The following STOX2 variants were observed in gnomAD, a reference collection of about 807,000 sequenced individuals.
STOX2 encodes storkhead-box protein 2.
Under a neutral mutation model 60.9 loss-of-function variants are expected in STOX2, and 28 were observed. The observed-to-expected ratio is 0.46, with a 90% CI of 0.34 to 0.63. The LOEUF is 0.63. Ranked by LOEUF, STOX2 falls within the 30% of genes least tolerant of loss-of-function variation. The pLI is 0.01. For synonymous variants in STOX2, 472 were observed against 463.9 expected, an observed-to-expected ratio of 1.02 and a Z score of -0.22; for missense variants, 1,024 against 1,187.7, an observed-to-expected ratio of 0.86 and a Z score of 2.03.
chr4:184,011,576 T>G lies in STOX2; in HGVS notation c.2585+153T>G. 6.5e-7 allele frequency: 1 copy of G among 1,541,194 alleles called. No individual in the cohort carries two copies. The highest frequency in any genetic ancestry group is 8.7e-7 in the Non-Finnish European group (1 of 1,147,218). ...GTATTGTTAACAATCTGTTTCTGAC[T>G]TCTTTTTCAGGAATTGAAAAAAATG... On this transcript the variant is annotated intron_variant, in intron 3 of 3. Transcript: ENST00000308497. This position sits in a 1 kb window ranked among gnomAD's most constrained non-coding sequence, Gnocchi z 4.4.
chr4:183,967,366 CAA>C (rs1743606947), intron 1 of STOX2, among the ~76,000 whole-genome samples: 1 of 117,250 alleles, frequency 8.5e-6, no homozygotes, highest in African/African-American at 3.5e-5. Flanking sequence ...AACTCCGTCT[CAA>C]GAGAAAAAAA....
intron 1 of STOX2, among the ~76,000 whole-genome samples, chr4:183,880,413 C>A (rs1740933250): frequency 1.3e-5 from 2 of 152,162 alleles, no homozygotes; most frequent in Non-Finnish European, 1.5e-5. Flanking sequence ...AATCAACCAA[C>A]CAACCAACTG....
intron 1 of STOX2, among the ~76,000 whole-genome samples, chr4:183,891,276 G>A (rs1336742681): frequency 7.0e-6 from 1 of 141,934 alleles, no homozygotes; most frequent in African/African-American, 2.6e-5. Flanking sequence ...GTGTGTGTGT[G>A]TATGTGTGTA....
At chr4:183,899,067 GT>G (rs1031143338) in intron 1 of STOX2, among the ~76,000 whole-genome samples, 3 of 152,104 alleles carry the variant, frequency 2.0e-5, no homozygotes, top group Non-Finnish European at 4.4e-5. Context: ...TGTTATATGT[GT>G]TATGGTCATC....
intron 1 of STOX2, among the ~76,000 whole-genome samples, chr4:183,838,849 C>T (rs1264962719): frequency 6.6e-6 from 1 of 152,212 alleles, no homozygotes; most frequent in African/African-American, 2.4e-5. Flanking sequence ...TGGTTACACA[C>T]TCATCACCAG....
intron 1 of STOX2, among the ~76,000 whole-genome samples, chr4:183,884,409 G>A (rs1052945029): frequency 2.6e-5 from 4 of 152,098 alleles, no homozygotes; most frequent in Non-Finnish European, 5.9e-5. Context: ...AGGCTGAGGC[G>A]GATGGATCGC....
intron 1 of STOX2, among the ~76,000 whole-genome samples, chr4:183,993,552 A>T (rs1036761418): frequency 6.6e-6 from 1 of 152,216 alleles, no homozygotes; most frequent in Non-Finnish European, 1.5e-5. Context: ...ATAGCTTAGG[A>T]ATTGGACCTG....
intron 1 of STOX2, among the ~76,000 whole-genome samples, chr4:183,933,002 C>T (rs557011233): frequency 6.6e-6 from 1 of 152,266 alleles, no homozygotes; most frequent in African/African-American, 2.4e-5. Flanking sequence ...AGAATCCATA[C>T]GGAGTTGTCG....
rs543876303 is a variant in STOX2 at position 183,836,016 on chromosome 4, A to G, written c.364+37961A>G. On this transcript the variant is annotated intron_variant, in intron 1 of 2. Coordinates refer to the STOX2 transcript ENST00000513034. The surrounding 1 kb of genome is among the most constrained non-coding windows in gnomAD (Gnocchi z 4.1). The stretch of plus-strand genomic sequence containing the variant: ...AGGGTTCTGATTCCTCTCCATCCTC[A>G]CCAACACTTGTTACTGCCATTTTTT... 1.3e-4 allele frequency among the ~76,000 whole-genome samples: 19 copies of G among 150,630 alleles called. No individual in the cohort carries two copies. The highest frequency in any genetic ancestry group is 4.6e-4 in the African/African-American group (19 of 40,920).
In STOX2 at chr4:183,856,939, T is replaced by TGTGAA. The variant is rs1255096033; in HGVS notation, c.364+58886_364+58890dup. Among the ~76,000 whole-genome samples the TGTGAA allele has an allele frequency of 6.6e-6, 1 of 152,150 alleles. No homozygotes were observed. Among genetic ancestry groups the TGTGAA allele is most frequent in the Non-Finnish European group, 1.5e-5 (1 of 68,018 alleles). ...GGCATCTGACTGAGGAGAGAGGACA[T>TGTGAA]GTGAAGAGGCAGGGAGGGAGATGAG... On this transcript the variant is annotated intron_variant, in intron 1 of 2. Coordinates refer to the STOX2 transcript ENST00000513034. The surrounding 1 kb of genome is among the most constrained non-coding windows in gnomAD (Gnocchi z 4.0).
At chr4:183,946,662 G>T (rs571258692) in intron 1 of STOX2, among the ~76,000 whole-genome samples, 1 of 140,774 alleles carries the variant, frequency 7.1e-6, no homozygotes, top group Admixed American at 7.6e-5. Context: ...GTCTCGCTCT[G>T]TCGCACAGGC....
chr4:184,009,866 A>G lies in STOX2; in HGVS notation c.1028A>G (p.Gln343Arg). 2.5e-6 allele frequency: 4 copies of G among 1,611,866 alleles called. No individual in the cohort carries two copies. In the South Asian group the frequency reaches 4.4e-5, roughly 18 times the overall value. The change falls in exon 3 of 4, where the codon CAG becomes CGG. Residue 343 changes from glutamine (Q) to arginine (R), a missense_variant. Physicochemically the swap from Gln to Arg is conservative, Grantham distance 43. Transcript: ENST00000308497. The surrounding 1 kb of genome is among the most constrained non-coding windows in gnomAD (Gnocchi z 4.0). ...AAGAAACTGGAAGAAGAAAAGGCCC[A>G]GAGGAGTAAAGCCGGGTCCTCTGCC... ...LMKKLEEEKA[Q>R]RSKAGSSAHH...
At chr4:183,952,026 A>G (rs1386477015) in intron 1 of STOX2, among the ~76,000 whole-genome samples, 1 of 152,170 alleles carries the variant, frequency 6.6e-6, no homozygotes, top group Non-Finnish European at 1.5e-5. Context: ...GTTTCCCCAC[A>G]TTAAAGTGGT....
intron 1 of STOX2, among the ~76,000 whole-genome samples, chr4:183,924,766 G>C (rs779574280): frequency 1.7e-4 from 26 of 152,112 alleles, no homozygotes; most frequent in Non-Finnish European, 3.4e-4. Context: ...CCAGAATGTT[G>C]AGGAATTCCA....
At chr4:183,918,138 T>C (rs1171950736) in intron 1 of STOX2, among the ~76,000 whole-genome samples, 3 of 152,226 alleles carry the variant, frequency 2.0e-5, no homozygotes, top group Non-Finnish European at 4.4e-5. Context: ...TAGTGCTACA[T>C]AGAGTTAAAA....
At chr4:183,976,862 A>G (rs1732469686) in intron 1 of STOX2, among the ~76,000 whole-genome samples, 1 of 152,208 alleles carries the variant, frequency 6.6e-6, no homozygotes, top group Admixed American at 6.5e-5. Context: ...GAATAAGGTA[A>G]GAAAAAGAAA....
intron 1 of STOX2, among the ~76,000 whole-genome samples, chr4:183,976,524 A>G (rs1336067564): frequency 7.0e-6 from 1 of 142,294 alleles, no homozygotes; most frequent in South Asian, 2.6e-4. Flanking sequence ...ATCTGCAGCT[A>G]TGATAGCTAT....
rs558950313 is a variant in STOX2 at position 184,023,442 on chromosome 4, T to A, written c.*6158T>A. Reference sequence around the variant, plus strand: ...AAAGTCCCTCCCTATGGTGATACTGTGTTCATGTTGTTTATGTAGTGTTGT... The same window carrying A: ...AAAGTCCCTCCCTATGGTGATACTGAGTTCATGTTGTTTATGTAGTGTTGT... On this transcript the variant is annotated 3_prime_UTR_variant, in exon 4 of 4. Coordinates refer to ENST00000308497, the MANE Select transcript of STOX2 (RefSeq NM_020225.3). 1 of 152,188 alleles carries A rather than the reference T, an allele frequency of 6.6e-6. No individual in the cohort carries two copies. Among genetic ancestry groups the A allele is most frequent in the Non-Finnish European group, 1.5e-5 (1 of 68,036 alleles). The allele number at this position is 152,188 out of a possible 1,614,324, so 9.4% of individuals were successfully genotyped here. A position where few individuals can be genotyped will look rare whatever the true frequency, so the allele number is the denominator to read the frequency against.
intron 1 of STOX2, among the ~76,000 whole-genome samples, chr4:183,873,318 T>G (rs1204081715): frequency 6.6e-6 from 1 of 152,066 alleles, no homozygotes; most frequent in East Asian, 1.9e-4. Context: ...TGTTGGCACA[T>G]GCCTGTAATC....
Sources: allele counts gnomAD v4.1 joint callset (sites outside exome capture counted in the v4.1 genomes callset), GRCh38; gene constraint gnomAD v4.1.1; non-coding constraint Gnocchi (gnomAD v3.1); transcripts MANE v1.5; gene names NCBI Gene and HGNC (gene_info 2026-07-23, HGNC 2026-07-21).